The following LNX1 variants were observed in gnomAD, a reference collection of about 807,000 sequenced individuals.
The protein encoded by LNX1 is ligand of numb-protein X 1.
A neutral mutation model predicts 68.4 loss-of-function variants in LNX1; 54 were observed. The ratio of observed to expected loss-of-function variants is 0.79; its 90% CI spans 0.63 to 0.99. The LOEUF (loss-of-function observed/expected upper bound fraction) is 0.99, where lower values mean the gene tolerates loss of function less well. Among genes scored for constraint, LNX1 ranks in the 50% least tolerant of loss-of-function variants. The pLI is 0.00. For synonymous variants in LNX1, 336 were observed against 350.0 expected, an observed-to-expected ratio of 0.96 and a Z score of 0.45; for missense variants, 906 against 926.4, an observed-to-expected ratio of 0.98 and a Z score of 0.29.
At chr4:53,641,675 C>T (rs1734686062) in intron 1 of LNX1, among the ~76,000 whole-genome samples, 1 of 152,262 alleles carries the variant, frequency 6.6e-6, no homozygotes, top group East Asian at 1.9e-4. Flanking sequence ...GTAATCTCTC[C>T]CTCTCACTCC....
chr4:53,590,125 G>A (rs1348817987), intron 1 of LNX1, among the ~76,000 whole-genome samples: 1 of 152,156 alleles, frequency 6.6e-6, no homozygotes, highest in African/African-American at 2.4e-5. Context: ...ACAAAGGTCA[G>A]TTAAGGAAGA....
chr4:53,533,813 A>G (rs535343003), intron 2 of LNX1, among the ~76,000 whole-genome samples: 1 of 152,298 alleles, frequency 6.6e-6, no homozygotes, highest in Non-Finnish European at 1.5e-5. Context: ...CACAACCAAG[A>G]ATTATCTGGT....
intron 9 of LNX1, among the ~76,000 whole-genome samples, chr4:53,472,723 G>T (rs1010260093): frequency 1.4e-5 from 2 of 144,604 alleles, no homozygotes; most frequent in African/African-American, 5.1e-5. Flanking sequence ...GGAAGTAAAG[G>T]ACTCTTTGCA....
chr4:53,521,503 G>A (rs1045494142), intron 2 of LNX1, among the ~76,000 whole-genome samples: 2 of 152,100 alleles, frequency 1.3e-5, no homozygotes, highest in African/African-American at 4.8e-5. Flanking sequence ...TCCTTGCTCG[G>A]GGTTTGGAAA....
chr4:53,506,307 T>C (rs900740573), intron 4 of LNX1, among the ~76,000 whole-genome samples: 2 of 152,216 alleles, frequency 1.3e-5, no homozygotes, highest in Non-Finnish European at 2.9e-5. Context: ...TAAAACACTA[T>C]GTGCATGCAG....
upstream of LNX1, among the ~76,000 whole-genome samples, chr4:53,619,877 T>C (rs978872411): frequency 2.6e-5 from 4 of 152,200 alleles, no homozygotes; most frequent in African/African-American, 9.6e-5. Context: ...CAGTGCTTGT[T>C]ATTATGTCTC....
chr4:53,612,301 C>T (rs1733526387), intron 2 of LNX1, among the ~76,000 whole-genome samples: 1 of 152,168 alleles, frequency 6.6e-6, no homozygotes, highest in African/African-American at 2.4e-5. Flanking sequence ...ATACCTCTTG[C>T]AGGAGCAGCA....
chr4:53,588,121 C>T (rs887544505), intron 1 of LNX1, among the ~76,000 whole-genome samples: 3 of 152,140 alleles, frequency 2.0e-5, no homozygotes, highest in African/African-American at 7.2e-5. Context: ...TTAAAATATG[C>T]CAGGCACTTT....
intron 9 of LNX1, among the ~76,000 whole-genome samples, chr4:53,464,488 A>AACTATAAAAACTACGCATTGTTCATTT (rs1553929173): frequency 1.3e-5 from 2 of 151,400 alleles, no homozygotes; most frequent in Non-Finnish European, 3.0e-5. Context: ...TCAACATGAA[A>AACTATAAAAACTACGCATTGTTCATTT]AAGATGTTTA....
chr4:53,560,344 TA>T (rs1730198257), intron 2 of LNX1, among the ~76,000 whole-genome samples: 1 of 152,224 alleles, frequency 6.6e-6, no homozygotes, highest in South Asian at 2.1e-4. Context: ...TGAAATTAAT[TA>T]ATTAATGTGA....
chr4:53,566,028 T>C (rs1730660848), intron 2 of LNX1, among the ~76,000 whole-genome samples: 1 of 151,410 alleles, frequency 6.6e-6, no homozygotes, highest in African/African-American at 2.4e-5. Flanking sequence ...CTGATTGGTG[T>C]ACCTGAAAGT....
At chr4:53,647,895 A>G (rs559531437) in intron 1 of LNX1, among the ~76,000 whole-genome samples, 6 of 152,374 alleles carry the variant, frequency 3.9e-5, no homozygotes, top group South Asian at 2.1e-4. Flanking sequence ...TATTTCATTC[A>G]ATATAACATC....
At chr4:53,619,538 G>T (rs763239643), upstream of LNX1, among the ~76,000 whole-genome samples, 3 of 152,226 alleles carry the variant, frequency 2.0e-5, no homozygotes, top group Middle Eastern at 3.4e-3. Context: ...AGAGAAAAAA[G>T]TACTGCCTTC....
chr4:53,557,280 T>C (rs994471905), intron 2 of LNX1, among the ~76,000 whole-genome samples: 5 of 152,170 alleles, frequency 3.3e-5, no homozygotes, highest in South Asian at 2.1e-4. Flanking sequence ...GCAAGAAATA[T>C]ATGAAGCAAA....
chr4:53,529,628 G>A (rs111479919), intron 2 of LNX1, among the ~76,000 whole-genome samples: 55 of 152,260 alleles, frequency 3.6e-4, no homozygotes, highest in African/African-American at 8.7e-4. Flanking sequence ...GAGCAAGCAC[G>A]GCATCTGACA....
chr4:53,554,851 C>CAA (rs3067036), intron 2 of LNX1, among the ~76,000 whole-genome samples: 2,640 of 121,308 alleles, frequency 0.022, 87 homozygotes, highest in African/African-American at 0.071. Context: ...GACTCTGTCT[C>CAA]AAAAAAAAAA....
intron 2 of LNX1, among the ~76,000 whole-genome samples, chr4:53,544,186 A>T (rs1293438726): frequency 6.6e-6 from 1 of 151,270 alleles, no homozygotes; most frequent in Non-Finnish European, 1.5e-5. Context: ...AGAGGTGCTG[A>T]TTTCTCTCTC....
rs139178248 is a variant in LNX1, at chr4:53,628,904, T to A, written c.-215+23264A>T. 4.4e-3 allele frequency among the ~76,000 whole-genome samples: 671 copies of A among 152,232 alleles called. 5 individuals are homozygous for A. The highest frequency in any genetic ancestry group is 0.015 in the African/African-American group (640 of 41,532). On this transcript the variant is annotated intron_variant, in intron 1 of 2. Transcript: ENST00000507168. ...AAAACCAGATACTGCATGTTCTCAC[T>A]TATAAGTTGGAGCTAAGCTATGGAT... is the stretch of plus-strand genomic sequence containing the variant.
chr4:53,501,281 CTTT>C (rs11401056), intron 4 of LNX1, among the ~76,000 whole-genome samples: 2,730 of 63,562 alleles, frequency 0.043, 64 homozygotes, highest in African/African-American at 0.064. Flanking sequence ...TGATAATAAT[CTTT>C]TTTTTTTTTT....
Sources: gnomAD v4.1 joint callset for allele counts (sites outside exome capture counted in the v4.1 genomes callset) on GRCh38, gnomAD v4.1.1 for gene constraint, MANE v1.5 for transcripts, NCBI Gene and HGNC (gene_info 2026-07-23, HGNC 2026-07-21) for gene names.